The following NEK11 variants were observed in gnomAD, a reference collection of about 807,000 sequenced individuals.
The protein encoded by NEK11 is NIMA related kinase 11, also known as serine/threonine-protein kinase Nek11.
Under a neutral mutation model 80.7 loss-of-function variants are expected in NEK11, and 72 were observed. That is an observed-to-expected ratio of 0.89 (90% CI 0.74 to 1.08). The LOEUF is 1.08. NEK11 is among the 50% of genes least tolerant of loss of function. NEK11 has a pLI of 0.00. For synonymous variants in NEK11, 251 were observed against 260.7 expected (o/e 0.96, Z 0.36); for missense variants, 764 against 763.6 (o/e 1.00, Z -0.01).
intron 5 of NEK11, among the ~76,000 whole-genome samples, chr3:131,130,999 A>G (rs2149569974): frequency 6.6e-6 from 1 of 152,158 alleles, no homozygotes; most frequent in South Asian, 2.1e-4. Flanking sequence ...ATGGAGTTTC[A>G]CCGTGTTGGC....
intron 17 of NEK11, among the ~76,000 whole-genome samples, chr3:131,318,882 C>T (rs138907685): frequency 1.6e-3 from 249 of 151,860 alleles, no homozygotes; most frequent in African/African-American, 5.8e-3. Context: ...GCTAATTGAA[C>T]TAATGTAAGC....
At chr3:131,133,043 G>A (rs978498148) in intron 6 of NEK11, among the ~76,000 whole-genome samples, 1 of 151,930 alleles carries the variant, frequency 6.6e-6, no homozygotes. Flanking sequence ...ATAAATTGAG[G>A]TGTACAAATT....
At chr3:131,336,282 G>A (rs543476152) in intron 17 of NEK11, among the ~76,000 whole-genome samples, 16 of 152,254 alleles carry the variant, frequency 1.1e-4, no homozygotes, top group Admixed American at 3.9e-4. Context: ...ATAGATCAAT[G>A]GAACAGAACA....
chr3:131,284,215 GC>G (rs1303924749), intron 17 of NEK11, among the ~76,000 whole-genome samples: 1 of 152,180 alleles, frequency 6.6e-6, no homozygotes, highest in Non-Finnish European at 1.5e-5. Flanking sequence ...TTGTTTCCCT[GC>G]TCCAGGAATG....
intron 7 of NEK11, among the ~76,000 whole-genome samples, chr3:131,143,388 G>T (rs1016117631): frequency 6.6e-6 from 1 of 152,168 alleles, no homozygotes; most frequent in Middle Eastern, 3.2e-3. Flanking sequence ...TACTATGCCA[G>T]TCAAGTAGCT....
chr3:131,345,559 G>C (rs2097350322), intron 17 of NEK11, among the ~76,000 whole-genome samples: 1 of 152,168 alleles, frequency 6.6e-6, no homozygotes, highest in Admixed American at 6.5e-5. Flanking sequence ...GTGGAGAAAA[G>C]AGAACCCTAA....
chr3:131,030,023 T>G, intron 3 of NEK11, 145 bp downstream of exon 3: 1 of 703,258 alleles, frequency 1.4e-6, no homozygotes, highest in Non-Finnish European at 2.4e-6. Flanking sequence ...GCAGATCACT[T>G]GAGGCGAGGA....
At chr3:131,241,172 C>T (rs6799013) in intron 15 of NEK11, among the ~76,000 whole-genome samples, 26,236 of 151,910 alleles carry the variant, frequency 0.17, 4,818 homozygotes, top group African/African-American at 0.46. Context: ...TTGGGAAGTG[C>T]AGGAGTGTAG....
intron 17 of NEK11, chr3:131,325,300 A>ACAT (rs2096949393): frequency 6.6e-6 from 1 of 151,960 alleles, no homozygotes; most frequent in East Asian, 1.9e-4. Context: ...AATAACTTAT[A>ACAT]CCATTTACTT....
chr3:131,130,039 C>A (rs1373023740), intron 5 of NEK11, among the ~76,000 whole-genome samples: 2 of 152,102 alleles, frequency 1.3e-5, no homozygotes, highest in Non-Finnish European at 2.9e-5. Context: ...CATATCTTGA[C>A]AATATTGAGT....
chr3:131,040,059 T>G (rs2066245003), intron 3 of NEK11, among the ~76,000 whole-genome samples: 1 of 152,188 alleles, frequency 6.6e-6, no homozygotes, highest in Non-Finnish European at 1.5e-5. Flanking sequence ...AATTGTGCAT[T>G]GTATAAATAA....
chr3:131,340,931 A>G (rs912268442), intron 17 of NEK11, among the ~76,000 whole-genome samples: 1 of 152,260 alleles, frequency 6.6e-6, no homozygotes, highest in Non-Finnish European at 1.5e-5. Flanking sequence ...AGAAAGAAAT[A>G]GAAAACAATG....
At chr3:131,066,368 G>A (rs2148867654) in intron 3 of NEK11, among the ~76,000 whole-genome samples, 1 of 152,276 alleles carries the variant, frequency 6.6e-6, no homozygotes, top group South Asian at 2.1e-4. Flanking sequence ...TTGGGGACAG[G>A]GAGGGCAGGA....
At chr3:131,033,940 A>G (rs556416412) in intron 3 of NEK11, among the ~76,000 whole-genome samples, 54 of 152,340 alleles carry the variant, frequency 3.5e-4, no homozygotes, top group African/African-American at 1.3e-3. Flanking sequence ...TTTATTATGC[A>G]TCATGAAATT....
chr3:131,130,244 G>A (rs1185577252), intron 5 of NEK11, among the ~76,000 whole-genome samples: 1 of 151,988 alleles, frequency 6.6e-6, no homozygotes, highest in Non-Finnish European at 1.5e-5. Context: ...TTCATTGCTG[G>A]TATATAGGAA....
At chr3:131,339,019 T>C (rs181907803) in intron 17 of NEK11, among the ~76,000 whole-genome samples, 2 of 152,044 alleles carry the variant, frequency 1.3e-5, no homozygotes, top group East Asian at 3.9e-4. Context: ...ATATAAAAAA[T>C]AAAAGAGGGA....
At chr3:131,104,858 C>T (rs1281150746) in intron 4 of NEK11, among the ~76,000 whole-genome samples, 3 of 152,184 alleles carry the variant, frequency 2.0e-5, no homozygotes, top group Admixed American at 6.5e-5. Flanking sequence ...CCCAAGATTA[C>T]AAAGGTCATG....
Position 131,132,779 on chromosome 3 carries a change from G to A in NEK11, c.490G>A (p.Val164Ile), listed in dbSNP as rs375552131. The A allele has an allele frequency of 1.3e-6, 2 of 1,532,506 alleles. No individual in the cohort carries two copies. The highest frequency in any genetic ancestry group is 2.0e-5 in the Admixed American group (1 of 50,286). The allele number at this position is 1,532,506 out of a possible 1,614,324, so 94.9% of individuals were successfully genotyped here. The change falls in exon 6 of 18, where the codon GTA becomes ATA. Residue 164 changes from valine to isoleucine, a missense_variant. Physicochemically the swap from Val to Ile is conservative, Grantham distance 29. Coordinates refer to ENST00000383366, the MANE Select transcript of NEK11 (RefSeq NM_024800.5). ...TCATCGAGACTTAAAGTCAAAGAAT[G>A]TATTTCTGAAAAATAATCTCCTTAA... ...ILHRDLKSKN[V>I]FLKNNLLKIG...
intron 16 of NEK11, among the ~76,000 whole-genome samples, chr3:131,266,527 C>T (rs1357804417): frequency 2.0e-5 from 3 of 152,184 alleles, no homozygotes; most frequent in Admixed American, 6.5e-5. Flanking sequence ...GAGTGAGTTT[C>T]TTAATCCTCA....
Sources: gnomAD v4.1 joint callset for allele counts (sites outside exome capture counted in the v4.1 genomes callset) on GRCh38, gnomAD v4.1.1 for gene constraint, MANE v1.5 for transcripts, NCBI Gene and HGNC (gene_info 2026-07-23, HGNC 2026-07-21) for gene names.